The following SCML4 variants were observed in gnomAD, a reference collection of about 807,000 sequenced individuals.
SCML4 encodes Scm polycomb group protein like 4, also known as sex comb on midleg-like protein 4.
Under a neutral mutation model 41.1 loss-of-function variants are expected in SCML4, and 34 were observed. The ratio of observed to expected loss-of-function variants is 0.83; its 90% CI spans 0.63 to 1.10. The LOEUF (loss-of-function observed/expected upper bound fraction) is 1.10. SCML4 is among the 50% of genes least tolerant of loss of function. The pLI is 0.00. For synonymous variants in SCML4, 214 were observed against 220.9 expected, an observed-to-expected ratio of 0.97 and a Z score of 0.28; for missense variants, 522 against 534.1, an observed-to-expected ratio of 0.98 and a Z score of 0.22.
intron 5 of SCML4, among the ~76,000 whole-genome samples, chr6:107,735,090 G>A (rs1009552254): frequency 3.9e-5 from 6 of 152,136 alleles, no homozygotes; most frequent in Non-Finnish European, 5.9e-5. Flanking sequence ...TGGCCAGGCT[G>A]GTTTCAAACT....
intron 5 of SCML4, among the ~76,000 whole-genome samples, chr6:107,728,731 G>A (rs931517667): frequency 1.4e-4 from 22 of 152,188 alleles, no homozygotes; most frequent in African/African-American, 4.3e-4. Flanking sequence ...AATAGGCTTC[G>A]GAGGGCATCA....
intron 5 of SCML4, among the ~76,000 whole-genome samples, chr6:107,735,440 G>A (rs1776960073): frequency 1.3e-5 from 2 of 152,034 alleles, no homozygotes; most frequent in Non-Finnish European, 2.9e-5. Flanking sequence ...TGTTTTTGAG[G>A]GCGGGGGGAT....
chr6:107,727,047 C>T (rs994684375), intron 5 of SCML4, among the ~76,000 whole-genome samples: 1 of 152,148 alleles, frequency 6.6e-6, no homozygotes, highest in African/African-American at 2.4e-5. Context: ...TCTGTTATAT[C>T]CATACAACAA....
rs1778681282 is a variant in SCML4 at position 107,751,635 on chromosome 6, T to TTTCTTTCTTTCC, written c.157-1823_157-1822insGGAAAGAAAGAA. On this transcript the variant is annotated intron_variant, in intron 2 of 7. Coordinates refer to ENST00000369020, the MANE Select transcript of SCML4 (RefSeq NM_198081.5). ...CTTTCTTTCTTTCTTTCTTTCTTTC[T>TTTCTTTCTTTCC]TTCTTTCTTTCTTTTTTGAGAGGGA... is the stretch of plus-strand genomic sequence containing the variant. Among the ~76,000 whole-genome samples the TTTCTTTCTTTCC allele has an allele frequency of 1.4e-5, 2 of 147,066 alleles. 1 individual carries two copies. Among genetic ancestry groups the TTTCTTTCTTTCC allele is most frequent in the South Asian group, 4.3e-4 (2 of 4,700 alleles).
At chr6:107,835,537 C>T in the SCML4 span, among the ~76,000 whole-genome samples, 3 of 151,894 alleles carry the variant, frequency 2.0e-5, no homozygotes, top group East Asian at 1.9e-4. Context: ...CCCAGGAGTT[C>T]GAGACCAGCC....
At chr6:107,824,860 A>G (rs1396928604), upstream of SCML4, among the ~76,000 whole-genome samples, 1 of 152,220 alleles carries the variant, frequency 6.6e-6, no homozygotes, top group African/African-American at 2.4e-5. Context: ...ATTGTTCAGG[A>G]GACCCTGTGT....
chr6:107,835,301 C>T, the SCML4 span, among the ~76,000 whole-genome samples: 1 of 151,930 alleles, frequency 6.6e-6, no homozygotes, highest in Non-Finnish European at 1.5e-5. Flanking sequence ...GTGGAGGTTG[C>T]AGTGAGCCAA....
chr6:107,808,710 G>A (rs956348119), intron 1 of SCML4, among the ~76,000 whole-genome samples: 1 of 152,104 alleles, frequency 6.6e-6, no homozygotes, highest in African/African-American at 2.4e-5. Context: ...GGCTCATGTG[G>A]CCTTTTTCAT....
intron 1 of SCML4, among the ~76,000 whole-genome samples, chr6:107,804,987 G>A (rs763296019): frequency 2.6e-4 from 39 of 152,122 alleles, no homozygotes; most frequent in Non-Finnish European, 4.6e-4. Flanking sequence ...AACAAATAAA[G>A]TGGCAGCCAG....
upstream of SCML4, among the ~76,000 whole-genome samples, chr6:107,828,730 T>A (rs1785320623): frequency 6.6e-6 from 1 of 152,216 alleles, no homozygotes; most frequent in Non-Finnish European, 1.5e-5. Context: ...AGGCTTATGA[T>A]TACCATTTTG....
intron 5 of SCML4, among the ~76,000 whole-genome samples, chr6:107,742,677 AT>A (rs754298932): frequency 3.9e-5 from 6 of 152,356 alleles, no homozygotes; most frequent in East Asian, 3.9e-4. Context: ...AATAACTGTT[AT>A]CCAAGACTAC....
intron 2 of SCML4, among the ~76,000 whole-genome samples, chr6:107,771,261 T>C (rs977424267): frequency 1.4e-4 from 22 of 152,234 alleles, no homozygotes; most frequent in East Asian, 9.6e-4. Context: ...AATTTCCATA[T>C]ATTTTCCTAA....
chr6:107,790,460 C>T (rs868139280), intron 1 of SCML4, among the ~76,000 whole-genome samples: 4 of 152,192 alleles, frequency 2.6e-5, no homozygotes, highest in South Asian at 4.2e-4. Context: ...TTCTCTCCCT[C>T]GGGGGTTAGC....
At chr6:107,802,791 C>T (rs898815681) in intron 1 of SCML4, among the ~76,000 whole-genome samples, 2 of 149,662 alleles carry the variant, frequency 1.3e-5, no homozygotes, top group East Asian at 2.0e-4. Flanking sequence ...CCCCTGATGC[C>T]GAGCCAAAGC....
At chr6:107,800,509 G>A (rs1024476438) in intron 1 of SCML4, among the ~76,000 whole-genome samples, 2 of 152,062 alleles carry the variant, frequency 1.3e-5, no homozygotes, top group African/African-American at 2.4e-5. Flanking sequence ...GAAGAATGTT[G>A]GAAAAGATGT....
rs1780371596 is a variant in SCML4 at position 107,769,837 on chromosome 6, T to C, written c.156+2335A>G. Reference sequence around the variant, plus strand: ...CCTTCCCCTCCAAATCTAAGGCTACTAACCAGCTATAATTGAGCTTGCAAG... The same window carrying C: ...CCTTCCCCTCCAAATCTAAGGCTACCAACCAGCTATAATTGAGCTTGCAAG... On this transcript the variant is annotated intron_variant, in intron 2 of 7. Transcript: ENST00000369020. Among the ~76,000 whole-genome samples the C allele has an allele frequency of 2.6e-5, 4 of 152,326 alleles. No individual in the cohort carries two copies. In the South Asian group the frequency reaches 8.3e-4, roughly 32 times the overall value.
the SCML4 span, among the ~76,000 whole-genome samples, chr6:107,835,083 G>T: frequency 6.6e-6 from 1 of 151,978 alleles, no homozygotes; most frequent in Non-Finnish European, 1.5e-5. Context: ...CATTAGGCTG[G>T]GCTCAGTGGC....
the SCML4 span, among the ~76,000 whole-genome samples, chr6:107,833,503 C>G: frequency 6.6e-6 from 1 of 152,216 alleles, no homozygotes; most frequent in African/African-American, 2.4e-5. Flanking sequence ...TGAAGAGTGT[C>G]TGGACTGCTT....
At chr6:107,767,580 C>T (rs1402547664) in intron 2 of SCML4, among the ~76,000 whole-genome samples, 2 of 152,184 alleles carry the variant, frequency 1.3e-5, no homozygotes, top group African/African-American at 4.8e-5. Flanking sequence ...ATTGCATTTA[C>T]CCATATTAAT....
Sources: gnomAD v4.1 joint callset for allele counts (sites outside exome capture counted in the v4.1 genomes callset) on GRCh38, gnomAD v4.1.1 for gene constraint, MANE v1.5 for transcripts, NCBI Gene and HGNC (gene_info 2026-07-23, HGNC 2026-07-21) for gene names.